The following TTC7A variants were observed in gnomAD, a reference collection of about 807,000 sequenced individuals.
The protein encoded by TTC7A is tetratricopeptide repeat protein 7A.
A neutral mutation model predicts 103.7 loss-of-function variants in TTC7A; 110 were observed. That is an observed-to-expected ratio of 1.06 (90% CI 0.91 to 1.24). TTC7A has a LOEUF of 1.24. TTC7A is among the 50% of genes most tolerant of loss of function. The probability of loss-of-function intolerance (pLI) is 0.00; values close to 1 mark genes in which losing one functional copy is unlikely to be tolerated. For synonymous variants in TTC7A, 521 were observed against 467.9 expected (o/e 1.11, Z -1.47); for missense variants, 1,340 against 1,116.3 (o/e 1.20, Z -2.86).
chr2:46,927,884 GTTTTTT>G (rs566447236), intron 2 of TTC7A, among the ~76,000 whole-genome samples: 1 of 73,304 alleles, frequency 1.4e-5, no homozygotes, highest in African/African-American at 5.9e-5. Context: ...TTTTTTTGGT[GTTTTTT>G]TTTTTTTTTT....
intron 19 of TTC7A, among the ~76,000 whole-genome samples, chr2:47,070,038 C>T (rs576246084): frequency 5.9e-4 from 83 of 140,508 alleles, no homozygotes; most frequent in African/African-American, 2.2e-3. Flanking sequence ...GCTGGCCTAG[C>T]GCCAAGGCTG....
chr2:46,980,821 C>T (rs1375600598), intron 5 of TTC7A, among the ~76,000 whole-genome samples: 2 of 152,234 alleles, frequency 1.3e-5, no homozygotes, highest in Admixed American at 1.3e-4. Flanking sequence ...AACCTCTTCT[C>T]AGATCCATAA....
At chr2:47,069,966 A>C (rs1217951837) in intron 19 of TTC7A, among the ~76,000 whole-genome samples, 3 of 152,170 alleles carry the variant, frequency 2.0e-5, no homozygotes, top group East Asian at 1.9e-4. Context: ...GAAAATTCCC[A>C]AAATAACTTC....
chr2:47,045,552 A>T lies in TTC7A; in HGVS notation c.1803-763A>T, dbSNP rs1249927350. 7 of 152,360 alleles carry T rather than the reference A, an allele frequency of 4.6e-5. No individual in the cohort carries two copies. In the East Asian group the frequency reaches 1.3e-3, roughly 29 times the overall value. The allele number at this position is 152,360 out of a possible 1,614,324, so 9.4% of individuals were successfully genotyped here. A position where few individuals can be genotyped will look rare whatever the true frequency, so the allele number is the denominator to read the frequency against. On this transcript the variant is annotated intron_variant, in intron 15 of 19. Transcript: ENST00000319190. ...GGTTTTCAGGTCGAAAGAAATTCTG[A>T]AGTTGCTTGCTCTCATTGCACGGTA...
In TTC7A at chr2:47,029,328, C is replaced by T. The variant is rs1190370481; in HGVS notation, c.1746C>T (p.His582=). 6.2e-7 allele frequency: 1 copy of T among 1,613,996 alleles called. No homozygotes were observed. Among genetic ancestry groups the T allele is most frequent in the Non-Finnish European group, 8.5e-7 (1 of 1,180,036 alleles). ...LALLFSAQKH[H]QHALDVVNMA... ...TGCTCTTCTCTGCCCAGAAGCACCACCAGCATGCCCTGGATGTTGTCAACA... is the reference window on the plus strand; with the variant it reads ...TGCTCTTCTCTGCCCAGAAGCACCATCAGCATGCCCTGGATGTTGTCAACA... Residue 582 remains histidine, a synonymous_variant, in exon 15 of 20, where the codon CAC becomes CAT. Coordinates refer to ENST00000319190, the MANE Select transcript of TTC7A (RefSeq NM_020458.4).
intron 2 of TTC7A, among the ~76,000 whole-genome samples, chr2:46,929,798 C>T (rs1669597745): frequency 6.6e-6 from 1 of 152,192 alleles, no homozygotes; most frequent in Non-Finnish European, 1.5e-5. Context: ...TGGTATTAGG[C>T]TGAGTCATAT....
chr2:46,967,830 T>G (rs1672992162), intron 3 of TTC7A, among the ~76,000 whole-genome samples: 1 of 152,152 alleles, frequency 6.6e-6, no homozygotes, highest in Non-Finnish European at 1.5e-5. Flanking sequence ...TGTTCTAATT[T>G]TAACAGAGTG....
intron 10 of TTC7A, among the ~76,000 whole-genome samples, chr2:47,008,680 C>T (rs937906133): frequency 3.9e-5 from 6 of 152,200 alleles, no homozygotes; most frequent in African/African-American, 1.4e-4. Context: ...CTGATTGTCC[C>T]AGGCAGCCCT....
chr2:46,972,066 G>A (rs937688453), intron 3 of TTC7A, among the ~76,000 whole-genome samples: 1 of 152,134 alleles, frequency 6.6e-6, no homozygotes, highest in African/African-American at 2.4e-5. Context: ...AGCAGGTAGA[G>A]CTTCAGGCAA....
intron 3 of TTC7A, among the ~76,000 whole-genome samples, chr2:46,960,340 CCT>C (rs1336075017): frequency 6.6e-6 from 1 of 152,246 alleles, no homozygotes; most frequent in South Asian, 2.1e-4. Flanking sequence ...GTCAGAATCC[CCT>C]GTTTGATTCT....
chr2:46,999,596 A>G (rs1676582553), intron 8 of TTC7A: 1 of 985,332 alleles, frequency 1.0e-6, no homozygotes, highest in Admixed American at 6.1e-5. Context: ...GTACCCAGGG[A>G]TGTGGAGGAA....
At chr2:46,972,304 T>C (rs1483941327) in intron 3 of TTC7A, among the ~76,000 whole-genome samples, 1 of 152,254 alleles carries the variant, frequency 6.6e-6, no homozygotes, top group African/African-American at 2.4e-5. Flanking sequence ...ACAGATTGTT[T>C]TTATTTTTTT....
chr2:47,073,754 G>C lies in TTC7A; in HGVS notation c.2408G>C (p.Arg803Pro), dbSNP rs146165942. The C allele has an allele frequency of 3.7e-6, 6 of 1,613,860 alleles. No homozygotes were observed. Among genetic ancestry groups the C allele is most frequent in the Admixed American group, 3.3e-5 (2 of 60,034 alleles). The change falls in exon 20 of 20, where the codon CGT becomes CCT. Residue 803 changes from arginine (R) to proline (P), a missense_variant. Transcript: ENST00000319190. ...GHKSLAQKVL[R>P]DAVERQSTCH... ...AAGAGCTTGGCCCAGAAGGTGCTTC[G>C]TGATGCCGTGGAGAGGCAGAGTACG...
chr2:46,949,830 C>T (rs1435234654), intron 1 of TTC7A, among the ~76,000 whole-genome samples: 1 of 152,126 alleles, frequency 6.6e-6, no homozygotes, highest in Non-Finnish European at 1.5e-5. Context: ...GTGCCATGAT[C>T]ATGCCAGTGC....
At chr2:47,009,973 T>C (rs1677866202) in intron 10 of TTC7A, among the ~76,000 whole-genome samples, 1 of 150,710 alleles carries the variant, frequency 6.6e-6, no homozygotes, top group South Asian at 2.1e-4. Context: ...GTGCTTATCA[T>C]AGAGGCAGTG....
intron 2 of TTC7A, among the ~76,000 whole-genome samples, chr2:46,925,073 T>C (rs910453354): frequency 6.6e-5 from 10 of 152,272 alleles, no homozygotes; most frequent in African/African-American, 2.4e-4. Context: ...TCAGTATTTT[T>C]CTGTAATACA....
chr2:47,028,748 G>T (rs942055500), intron 14 of TTC7A, among the ~76,000 whole-genome samples: 2 of 152,148 alleles, frequency 1.3e-5, no homozygotes, highest in Admixed American at 6.5e-5. Flanking sequence ...TCTAGTCCCA[G>T]ATTCCCACTG....
chr2:46,920,492 G>A (rs1425421284), intron 2 of TTC7A, among the ~76,000 whole-genome samples: 2 of 151,894 alleles, frequency 1.3e-5, no homozygotes, highest in Non-Finnish European at 2.9e-5. Context: ...ACCACGCCCA[G>A]CTAATTTTTT....
chr2:46,964,428 A>C (rs962978882), intron 3 of TTC7A, among the ~76,000 whole-genome samples: 1 of 152,310 alleles, frequency 6.6e-6, no homozygotes, highest in East Asian at 1.9e-4. Context: ...GAGAGCCCAC[A>C]GTAAGGCTCA....
Sources: allele counts gnomAD v4.1 joint callset (sites outside exome capture counted in the v4.1 genomes callset), GRCh38; gene constraint gnomAD v4.1.1; transcripts MANE v1.5; gene names NCBI Gene and HGNC (gene_info 2026-07-23, HGNC 2026-07-21).